MROH7: variants seen among roughly 807,000 people sequenced by gnomAD.
MROH7 encodes the protein maestro heat like repeat family member 7, also known as maestro heat-like repeat-containing protein family member 7.
In MROH7, 113 loss-of-function variants were observed where a neutral mutation model predicts 129.2. The ratio of observed to expected loss-of-function variants is 0.87; its 90% CI spans 0.75 to 1.02. The LOEUF (loss-of-function observed/expected upper bound fraction) is 1.02. Ranked by LOEUF, MROH7 falls within the 50% of genes least tolerant of loss-of-function variation. The pLI is 0.00. For synonymous variants in MROH7, 655 were observed against 667.9 expected (o/e 0.98, Z 0.30); for missense variants, 1,601 against 1,671.3 (o/e 0.96, Z 0.73).
intron 15 of MROH7, among the ~76,000 whole-genome samples, chr1:54,689,184 C>G (rs1160856314): frequency 6.6e-6 from 1 of 152,152 alleles, no homozygotes; most frequent in Non-Finnish European, 1.5e-5. Flanking sequence ...GGCACTGAAT[C>G]CAGTGCCAAG....
intron 13 of MROH7, 102 bp downstream of exon 13, chr1:54,680,147 C>T (rs1315121884): frequency 2.0e-6 from 2 of 1,014,570 alleles, no homozygotes; most frequent in Non-Finnish European, 3.0e-6. Context: ...CCCTCGCCCT[C>T]CCAGATGGCC....
intron 10 of MROH7, among the ~76,000 whole-genome samples, 173 bp from the exon 11 acceptor site, chr1:54,678,569 G>A (rs1034470960): frequency 6.6e-6 from 1 of 152,146 alleles, no homozygotes; most frequent in Admixed American, 6.5e-5. Context: ...GCACAAGAGG[G>A]GCTTCTGGGG....
At chr1:54,670,660 T>TAC in intron 6 of MROH7, 84 bp downstream of exon 6, 3 of 1,061,774 alleles carry the variant, frequency 2.8e-6, no homozygotes, top group Non-Finnish European at 4.0e-6. Context: ...CGCTGTACCC[T>TAC]CCCCCAACCC....
chr1:54,679,995 C>A lies in MROH7; in HGVS notation c.2331C>A (p.Phe777Leu). 30 of 1,614,106 alleles carry A rather than the reference C, an allele frequency of 1.9e-5. No homozygotes were observed. The highest frequency in any genetic ancestry group is 2.5e-5 in the Non-Finnish European group (29 of 1,179,992). The change falls in exon 13 of 24, where the codon TTC becomes TTA. Residue 777 changes from phenylalanine to leucine, a missense_variant. Coordinates refer to ENST00000421030, the MANE Select transcript of MROH7 (RefSeq NM_001039464.4). ...CCGTCTCCCTCCTGGCTAGCTCCTTCATGACCGAGGTTGTGGTGGCCCTGC... is the reference window on the plus strand; with the variant it reads ...CCGTCTCCCTCCTGGCTAGCTCCTTAATGACCGAGGTTGTGGTGGCCCTGC... Reference protein sequence around the residue: ...LLPVSLLASSFMTEVVVALLM... With the variant: ...LLPVSLLASSLMTEVVVALLM...
intron 3 of MROH7, among the ~76,000 whole-genome samples, chr1:54,661,097 T>G (rs559106585): frequency 2.6e-3 from 399 of 152,190 alleles, no homozygotes; most frequent in African/African-American, 9.3e-3. Context: ...TCTTATTGGT[T>G]TGTGGGAATT....
chr1:54,663,844 A>G, intron 3 of MROH7: 1 of 439,948 alleles, frequency 2.3e-6, no homozygotes, highest in South Asian at 1.6e-5. Context: ...TTAGTGGGGA[A>G]AGGTATTTAG....
At chr1:54,679,698 A>T (rs1399142455) in intron 12 of MROH7, among the ~76,000 whole-genome samples, 193 bp from the exon 13 acceptor site, 1 of 151,944 alleles carries the variant, frequency 6.6e-6, no homozygotes, top group East Asian at 1.9e-4. Flanking sequence ...AGGTATAGGG[A>T]GCATAGTAAA....
intron 17 of MROH7, chr1:54,695,770 G>A: frequency 2.2e-6 from 1 of 451,574 alleles, no homozygotes; most frequent in Non-Finnish European, 4.2e-6. Context: ...ATATAAATGT[G>A]AATTTGACTC....
intron 3 of MROH7, among the ~76,000 whole-genome samples, chr1:54,657,840 T>C (rs1278000982): frequency 6.6e-6 from 1 of 152,124 alleles, no homozygotes; most frequent in African/African-American, 2.4e-5. Context: ...TTGGTAGTTT[T>C]AGTAGAGATG....
chr1:54,647,904 CAAAAAAAAA>C (rs35151019), intron 1 of MROH7, among the ~76,000 whole-genome samples: 1 of 87,118 alleles, frequency 1.1e-5, no homozygotes, highest in South Asian at 3.8e-4. Context: ...GACTCCATCT[CAAAAAAAAA>C]AAAAAAAAAA....
intron 17 of MROH7, chr1:54,699,983 C>T: frequency 1.6e-6 from 1 of 622,128 alleles, no homozygotes; most frequent in Non-Finnish European, 2.9e-6. Context: ...CTGGGTAGTT[C>T]AGAGAACAGG....
Position 54,679,928 on chromosome 1 carries a change from G to GCCACAT in MROH7, c.2268_2273dup (p.His756_Ile757dup). On this transcript the variant is annotated inframe_insertion, in exon 13 of 24. Transcript: ENST00000421030. ...ATGCAAGGCATCTACATGCAGCTGAGCCACATCCAGGAGCCTCGGGCCCGC... is the reference window on the plus strand; with the variant it reads ...ATGCAAGGCATCTACATGCAGCTGAGCCACATCCACATCCAGGAGCCTCGGGCCCGC... The GCCACAT allele has an allele frequency of 1.2e-6, 2 of 1,613,380 alleles. No individual in the cohort carries two copies. Among genetic ancestry groups the GCCACAT allele is most frequent in the Non-Finnish European group, 1.7e-6 (2 of 1,179,914 alleles).
chr1:54,703,588 C>T lies in MROH7; in HGVS notation c.3564+843C>T, dbSNP rs759269387. Among the ~76,000 whole-genome samples the T allele has an allele frequency of 1.4e-4, 22 of 152,152 alleles. No homozygotes were observed. The highest frequency in any genetic ancestry group is 3.4e-3 in the Middle Eastern group (1 of 294). Reference sequence around the variant, plus strand: ...TATTTAACCACAGAGCTTCCTTTCTCGGTGATACCTGTGAACATCATGAGG... The same window carrying T: ...TATTTAACCACAGAGCTTCCTTTCTTGGTGATACCTGTGAACATCATGAGG... On this transcript the variant is annotated intron_variant, in intron 21 of 23. Coordinates refer to ENST00000421030, the MANE Select transcript of MROH7 (RefSeq NM_001039464.4). This position sits in a 1 kb window ranked among gnomAD's most constrained non-coding sequence, Gnocchi z 4.4.
chr1:54,643,838 G>GA (rs775074756), intron 1 of MROH7, among the ~76,000 whole-genome samples: 80 of 152,234 alleles, frequency 5.3e-4, no homozygotes, highest in Non-Finnish European at 9.6e-4. Flanking sequence ...GCCTATTATA[G>GA]AATGTGTGGT....
intron 15 of MROH7, 141 bp downstream of exon 15, chr1:54,686,589 A>G (rs780630760): frequency 5.6e-6 from 4 of 713,574 alleles, no homozygotes; most frequent in South Asian, 3.9e-5. Context: ...GCACAATTTT[A>G]TTAGAGCCAA....
intron 1 of MROH7, 84 bp downstream of exon 1, chr1:54,642,052 T>G (rs892485662): frequency 6.6e-6 from 1 of 150,762 alleles, no homozygotes; most frequent in Non-Finnish European, 1.5e-5. Context: ...TGGCTGGGAG[T>G]TGGGGGGAGG....
intron 14 of MROH7, among the ~76,000 whole-genome samples, chr1:54,683,051 G>A (rs1459343636): frequency 1.3e-5 from 2 of 152,080 alleles, no homozygotes; most frequent in Admixed American, 1.3e-4. Context: ...CTAAATCCTG[G>A]TTCTGGCCAG....
chr1:54,679,495 C>G, intron 12 of MROH7, 56 bp downstream of exon 12: 1 of 1,556,810 alleles, frequency 6.4e-7, no homozygotes. Flanking sequence ...GAGCTCCCCC[C>G]ATGGCCTGCT....
At chr1:54,648,857 A>G (rs558626893) in intron 1 of MROH7, among the ~76,000 whole-genome samples, 1 of 152,190 alleles carries the variant, frequency 6.6e-6, no homozygotes, top group Non-Finnish European at 1.5e-5. Context: ...CTGGAGCCAG[A>G]ATTAGCAGAA....
Sources: allele counts gnomAD v4.1 joint callset (sites outside exome capture counted in the v4.1 genomes callset), GRCh38; gene constraint gnomAD v4.1.1; non-coding constraint Gnocchi (gnomAD v3.1); transcripts MANE v1.5; gene names NCBI Gene and HGNC (gene_info 2026-07-23, HGNC 2026-07-21).